CSMD1: variants seen among roughly 807,000 people sequenced by gnomAD.
CSMD1 encodes the protein CUB and Sushi multiple domains 1.
In CSMD1, 213 loss-of-function variants were observed where a neutral mutation model predicts 417.5. The ratio of observed to expected loss-of-function variants is 0.51; its 90% confidence interval spans 0.46 to 0.57. CSMD1 has a LOEUF of 0.57. Ranked by LOEUF, CSMD1 falls within the 20% of genes least tolerant of loss-of-function variation. CSMD1 has a pLI of 0.00. For missense variants in CSMD1, 6,923 were observed against 4,529.7 expected (o/e 1.53, Z -15.17); for synonymous variants, 2,862 against 1,736.8 (o/e 1.65, Z -16.11).
chr8:4,864,434 T>C (rs1563621810), intron 1 of CSMD1, among the ~76,000 whole-genome samples: 1 of 151,898 alleles, frequency 6.6e-6, no homozygotes, highest in African/African-American at 2.4e-5. Context: ...TATCCACAAA[T>C]TTGCCTTTAA....
At chr8:4,938,506 G>C (rs1046987989) in intron 1 of CSMD1, among the ~76,000 whole-genome samples, 2 of 152,178 alleles carry the variant, frequency 1.3e-5, no homozygotes, top group Admixed American at 1.3e-4. Flanking sequence ...CGATGGTATA[G>C]ACACCTGGTG....
chr8:3,715,387 C>A (rs1431513405), intron 6 of CSMD1, among the ~76,000 whole-genome samples: 1 of 152,168 alleles, frequency 6.6e-6, no homozygotes, highest in Non-Finnish European at 1.5e-5. Flanking sequence ...GCCTCCAGGT[C>A]TGCCCTAAAG....
At chr8:2,974,963 G>C (rs1280831795) in intron 55 of CSMD1, among the ~76,000 whole-genome samples, 4 of 152,228 alleles carry the variant, frequency 2.6e-5, no homozygotes, top group African/African-American at 9.6e-5. Context: ...CAGTATTATA[G>C]GAAATTTGCG....
At chr8:3,314,126 G>T (rs148301187) in intron 23 of CSMD1, among the ~76,000 whole-genome samples, 3 of 151,478 alleles carry the variant, frequency 2.0e-5, no homozygotes, top group Non-Finnish European at 2.9e-5. Flanking sequence ...GTTGTGGGGT[G>T]GGGGGAGTGG....
intron 5 of CSMD1, among the ~76,000 whole-genome samples, chr8:3,797,704 A>G (rs908862972): frequency 1.3e-5 from 2 of 151,988 alleles, no homozygotes; most frequent in Non-Finnish European, 2.9e-5. Context: ...TTTGGCTAAT[A>G]CAAACAAAGC....
chr8:4,204,691 G>C (rs1006074760), intron 3 of CSMD1, among the ~76,000 whole-genome samples: 1 of 152,066 alleles, frequency 6.6e-6, no homozygotes, highest in South Asian at 2.1e-4. Flanking sequence ...GTTTCACTCT[G>C]TCACCCAGGC....
rs180769590 is a variant in CSMD1 at position 4,050,574 on chromosome 8, T to C, written c.416-18475A>G. Reference sequence around the variant, plus strand: ...CATGTTACAAACAATCTAATCATACTACTTTATTTCAAAATATACAATTAA... The same window carrying C: ...CATGTTACAAACAATCTAATCATACCACTTTATTTCAAAATATACAATTAA... On this transcript the variant is annotated intron_variant, in intron 3 of 69. Transcript: ENST00000635120. 2.9e-3 allele frequency among the ~76,000 whole-genome samples: 441 copies of C among 152,238 alleles called. 2 individuals are homozygous for C. Among genetic ancestry groups the C allele is most frequent in the African/African-American group, 0.01 (423 of 41,540 alleles).
At chr8:3,506,570 A>G (rs1796837064) in intron 10 of CSMD1, among the ~76,000 whole-genome samples, 1 of 152,216 alleles carries the variant, frequency 6.6e-6, no homozygotes, top group Admixed American at 6.5e-5. Context: ...TCTTTCATTC[A>G]TCTTCAACCA....
chr8:3,383,931 G>T (rs965458467), intron 18 of CSMD1, among the ~76,000 whole-genome samples: 3 of 152,170 alleles, frequency 2.0e-5, no homozygotes, highest in African/African-American at 7.2e-5. Context: ...AATATGGATG[G>T]ACCCCACAGA....
At chr8:3,705,202 C>T (rs1801096852) in intron 7 of CSMD1, among the ~76,000 whole-genome samples, 1 of 152,154 alleles carries the variant, frequency 6.6e-6, no homozygotes, top group Non-Finnish European at 1.5e-5. Flanking sequence ...CTGCTTTCTG[C>T]ACTGAAGGCA....
chr8:4,374,123 T>C (rs189800029), intron 3 of CSMD1, among the ~76,000 whole-genome samples: 68 of 152,280 alleles, frequency 4.5e-4, no homozygotes, highest in Middle Eastern at 6.8e-3. Context: ...TGCCATTTTA[T>C]TGACCCATCA....
chr8:3,598,669 T>G (rs185698136), intron 8 of CSMD1, among the ~76,000 whole-genome samples: 65 of 152,280 alleles, frequency 4.3e-4, no homozygotes, highest in African/African-American at 1.5e-3. Context: ...AATGAAAGAA[T>G]GAATCAGTAG....
Position 3,521,528 on chromosome 8 carries a change from T to C in CSMD1, c.1345-27802A>G, listed in dbSNP as rs143578997. 2.4e-3 allele frequency among the ~76,000 whole-genome samples: 368 copies of C among 152,274 alleles called. 3 individuals carry two copies. Among genetic ancestry groups the C allele is most frequent in the African/African-American group, 8.5e-3 (352 of 41,538 alleles). ...TGTATTACAATGATCTGCCTGAGTA[T>C]CTTATCTCATCAGTAAACATAAGTT... On this transcript the variant is annotated intron_variant, in intron 10 of 69. Coordinates refer to ENST00000635120, the MANE Select transcript of CSMD1 (RefSeq NM_033225.6).
intron 2 of CSMD1, among the ~76,000 whole-genome samples, chr8:4,444,873 G>C (rs145973039): frequency 6.6e-6 from 1 of 152,104 alleles, no homozygotes; most frequent in Non-Finnish European, 1.5e-5. Flanking sequence ...CTGCAGCCAA[G>C]GTAATTGATT....
At chr8:3,622,338 C>G (rs1445817447) in intron 7 of CSMD1, among the ~76,000 whole-genome samples, 1 of 152,156 alleles carries the variant, frequency 6.6e-6, no homozygotes, top group African/African-American at 2.4e-5. Flanking sequence ...TGATGTTTGT[C>G]AGAAATAATA....
chr8:4,351,312 G>A (rs543252371), intron 3 of CSMD1, among the ~76,000 whole-genome samples: 1 of 152,290 alleles, frequency 6.6e-6, no homozygotes, highest in South Asian at 2.1e-4. Flanking sequence ...AATGCTAAAT[G>A]TTTCTCCAGC....
intron 49 of CSMD1, among the ~76,000 whole-genome samples, chr8:3,060,158 T>C (rs1001036720): frequency 2.0e-5 from 3 of 151,764 alleles, no homozygotes; most frequent in African/African-American, 7.3e-5. Flanking sequence ...CAACTTTTTT[T>C]TTTTTTTTTC....
chr8:4,781,014 A>C (rs1255024868), intron 1 of CSMD1, among the ~76,000 whole-genome samples: 3 of 152,184 alleles, frequency 2.0e-5, no homozygotes, highest in African/African-American at 7.2e-5. Flanking sequence ...AAATAGGGTA[A>C]TTACCACCTG....
intron 10 of CSMD1, among the ~76,000 whole-genome samples, chr8:3,496,719 G>C (rs908422732): frequency 3.3e-5 from 5 of 151,970 alleles, no homozygotes; most frequent in Admixed American, 6.6e-5. Flanking sequence ...CCAGCTACTC[G>C]GGAAGCTGAG....
Sources: allele counts gnomAD v4.1 joint callset (sites outside exome capture counted in the v4.1 genomes callset), GRCh38; gene constraint gnomAD v4.1.1; transcripts MANE v1.5; gene names NCBI Gene and HGNC (gene_info 2026-07-23, HGNC 2026-07-21).